The following TBC1D23 variants were observed in gnomAD, a reference collection of about 807,000 sequenced individuals.
TBC1D23 encodes HCV non-structural protein 4A-transactivated protein 1.
Under a neutral mutation model 91.4 loss-of-function variants are expected in TBC1D23, and 55 were observed. The ratio of observed to expected loss-of-function variants is 0.60; its 90% CI spans 0.48 to 0.75. The LOEUF is 0.75. TBC1D23 is among the 30% of genes least tolerant of loss of function. TBC1D23 has a pLI of 0.00. For missense variants in TBC1D23, 725 were observed against 836.1 expected, an observed-to-expected ratio of 0.87 and a Z score of 1.64; for synonymous variants, 289 against 281.0, an observed-to-expected ratio of 1.03 and a Z score of -0.28.
intron 13 of TBC1D23, among the ~76,000 whole-genome samples, chr3:100,308,119 G>C (rs13072367): frequency 0.24 from 36,102 of 152,118 alleles, 4,710 homozygotes; most frequent in East Asian, 0.49. Context: ...GTTTAATTTG[G>C]CTCTGAATTT....
At chr3:100,288,303 A>G (rs2067761738) in intron 4 of TBC1D23, among the ~76,000 whole-genome samples, 1 of 152,062 alleles carries the variant, frequency 6.6e-6, no homozygotes, top group Non-Finnish European at 1.5e-5. Flanking sequence ...ACTTTTTTAC[A>G]TGAGGCTTTT....
chr3:100,324,800 T>G lies in TBC1D23; in HGVS notation c.*1132T>G, dbSNP rs1705922801. 1 of 152,218 alleles carries G rather than the reference T, an allele frequency of 6.6e-6. No homozygotes were observed. The highest frequency in any genetic ancestry group is 1.5e-5 in the Non-Finnish European group (1 of 68,030). 9.4% of individuals were successfully genotyped at this position (152,218 alleles called of 1,614,324 possible). ...ACATTTAGGGCCATGGAATAGTATT[T>G]TGTAAAATCCATTTGGGAAGTTGCA... On this transcript the variant is annotated 3_prime_UTR_variant, in exon 19 of 19. Transcript: ENST00000394144.
intron 18 of TBC1D23, among the ~76,000 whole-genome samples, chr3:100,322,522 T>C (rs937097920): frequency 2.6e-5 from 4 of 152,356 alleles, no homozygotes; most frequent in African/African-American, 7.2e-5. Flanking sequence ...ATTAATCTTC[T>C]AGTGGGCCTT....
chr3:100,297,176 C>A (rs193141116), intron 8 of TBC1D23, among the ~76,000 whole-genome samples: 16 of 151,090 alleles, frequency 1.1e-4, no homozygotes, highest in Non-Finnish European at 2.2e-4. Flanking sequence ...ATGAGAGCAC[C>A]TTTTTTTTTA....
In TBC1D23 at chr3:100,279,745, G is replaced by A. The variant is rs762876468; in HGVS notation, c.150G>A (p.Arg50=). The A allele has an allele frequency of 6.3e-7, 1 of 1,593,664 alleles. No homozygotes were observed. Among genetic ancestry groups the A allele is most frequent in the Admixed American group, 1.7e-5 (1 of 59,490 alleles). ...IQGRPLPADL[R]AKVWKIALNV... Reference sequence around the variant, plus strand: ...GAAGACCGCTGCCTGCTGATCTGAGGGCCAAAGTTTGGAAGGTAACTAGAA... The same window carrying A: ...GAAGACCGCTGCCTGCTGATCTGAGAGCCAAAGTTTGGAAGGTAACTAGAA... The change falls in exon 2 of 19, where the codon AGG becomes AGA. Residue 50 remains arginine (R), a synonymous_variant. Transcript: ENST00000394144.
At chr3:100,297,881 G>A (rs1705332645) in intron 8 of TBC1D23, 42 bp from the exon 9 acceptor site, 2 of 1,344,178 alleles carry the variant, frequency 1.5e-6, no homozygotes, top group Non-Finnish European at 2.1e-6. Context: ...AAGAAAGTTT[G>A]ATTTTTTTTT....
chr3:100,312,750 T>A (rs981838819), intron 15 of TBC1D23, among the ~76,000 whole-genome samples: 2 of 152,270 alleles, frequency 1.3e-5, no homozygotes, highest in Admixed American at 1.3e-4. Context: ...CTAGTCATAT[T>A]TTCAATGTAA....
chr3:100,275,957 A>G (rs1418004628), intron 1 of TBC1D23, among the ~76,000 whole-genome samples: 1 of 152,180 alleles, frequency 6.6e-6, no homozygotes, highest in Non-Finnish European at 1.5e-5. Flanking sequence ...GAATAGGTAA[A>G]TATGTAGAGA....
intron 12 of TBC1D23, among the ~76,000 whole-genome samples, chr3:100,305,580 C>T (rs1391926377): frequency 6.6e-6 from 1 of 152,074 alleles, no homozygotes; most frequent in Non-Finnish European, 1.5e-5. Context: ...ACCAGTTGTG[C>T]AACTGAAGCT....
At chr3:100,279,099 A>T (rs1001567873) in intron 1 of TBC1D23, among the ~76,000 whole-genome samples, 6 of 152,208 alleles carry the variant, frequency 3.9e-5, no homozygotes, top group Non-Finnish European at 7.3e-5. Flanking sequence ...CCATAATATG[A>T]CATGTGACCC....
Position 100,298,507 on chromosome 3 carries a change from T to C in TBC1D23, c.999+462T>C, listed in dbSNP as rs932767010. On this transcript the variant is annotated intron_variant, in intron 9 of 18. Coordinates refer to ENST00000394144, the MANE Select transcript of TBC1D23 (RefSeq NM_001199198.3). Reference sequence around the variant, plus strand: ...TCAATTTGACCAATGATGTTTTTAATATATGGTCTTTATTACTAGTAGTGC... The same window carrying C: ...TCAATTTGACCAATGATGTTTTTAACATATGGTCTTTATTACTAGTAGTGC... Among the ~76,000 whole-genome samples the C allele has an allele frequency of 3.3e-5, 5 of 152,322 alleles. No homozygotes were observed. In the East Asian group the frequency reaches 9.6e-4, roughly 29 times the overall value.
In TBC1D23 at chr3:100,279,639, T is replaced by C. The variant is rs1228588017; in HGVS notation, c.54-10T>C. 2 of 1,549,584 alleles carry C rather than the reference T, an allele frequency of 1.3e-6. No individual in the cohort carries two copies. Among genetic ancestry groups the C allele is most frequent in the Non-Finnish European group, 1.8e-6 (2 of 1,132,544 alleles). On this transcript the variant is annotated splice_polypyrimidine_tract_variant and intron_variant, in intron 1 of 18. Coordinates refer to ENST00000394144, the MANE Select transcript of TBC1D23 (RefSeq NM_001199198.3). ...AAAGTTCATTTTAATAAATAGGACTTATTTTTTAGGGAAAAAGATCTTGAA... is the reference window on the plus strand; with the variant it reads ...AAAGTTCATTTTAATAAATAGGACTCATTTTTTAGGGAAAAAGATCTTGAA...
chr3:100,287,074 A>G (rs1050901091), intron 4 of TBC1D23, among the ~76,000 whole-genome samples: 6 of 152,092 alleles, frequency 3.9e-5, no homozygotes, highest in Non-Finnish European at 8.8e-5. Context: ...CGGCCTCCCA[A>G]AGTGCTGAGA....
Position 100,309,175 on chromosome 3 carries a change from AAAC to A in TBC1D23, c.1414-1216_1414-1214del, listed in dbSNP as rs1257891001. Among the ~76,000 whole-genome samples the A allele has an allele frequency of 4.7e-5, 7 of 148,116 alleles. No individual in the cohort carries two copies. The South Asian group carries it at 6.6e-4, about 14-fold the overall frequency. On this transcript the variant is annotated intron_variant, in intron 13 of 18. Coordinates refer to ENST00000394144, the MANE Select transcript of TBC1D23 (RefSeq NM_001199198.3). ...GGCAACAGAGCAGGACTCTGTCTCA[AAAC>A]AACAACAACAAAAAACACAAAAAAG...
At chr3:100,274,451 CTT>C (rs2067628158) in intron 1 of TBC1D23, among the ~76,000 whole-genome samples, 1 of 152,048 alleles carries the variant, frequency 6.6e-6, no homozygotes, top group African/African-American at 2.4e-5. Context: ...AGTTTACCAT[CTT>C]GACCATTTTT....
intron 10 of TBC1D23, among the ~76,000 whole-genome samples, chr3:100,301,448 A>G (rs1299117782): frequency 6.6e-6 from 1 of 151,970 alleles, no homozygotes; most frequent in Non-Finnish European, 1.5e-5. Context: ...TGCTGTTTAT[A>G]TTTGCTTTTG....
chr3:100,292,649 C>T (rs1331864955), intron 5 of TBC1D23, among the ~76,000 whole-genome samples: 1 of 152,142 alleles, frequency 6.6e-6, no homozygotes, highest in African/African-American at 2.4e-5. Context: ...TCTCAGGCTG[C>T]AGTGCAGTGG....
At chr3:100,322,838 C>T (rs1559818417) in intron 18 of TBC1D23, among the ~76,000 whole-genome samples, 2 of 151,722 alleles carry the variant, frequency 1.3e-5, no homozygotes, top group South Asian at 4.1e-4. Context: ...TAGATTCTCT[C>T]TCTCCCTTTC....
Position 100,281,832 on chromosome 3 carries a change from T to A in TBC1D23, c.256T>A (p.Cys86Ser), listed in dbSNP as rs1032632303. The A allele has an allele frequency of 1.9e-6, 3 of 1,606,626 alleles. No homozygotes were observed. The East Asian group carries it at 6.7e-5, about 36-fold the overall frequency. Reference protein sequence around the residue: ...LPEQNTIHKDCLQFIDQLSVP... With the variant: ...LPEQNTIHKDSLQFIDQLSVP... ...AGAACAGAACACTATTCACAAAGATTGCCTGCAGTTTATTGGTAAGCTGAA... is the reference window on the plus strand; with the variant it reads ...AGAACAGAACACTATTCACAAAGATAGCCTGCAGTTTATTGGTAAGCTGAA... Residue 86 changes from cysteine to serine, a missense_variant, in exon 3 of 19, where the codon TGC becomes AGC. Coordinates refer to ENST00000394144, the MANE Select transcript of TBC1D23 (RefSeq NM_001199198.3).
Sources: gnomAD v4.1 joint callset for allele counts (sites outside exome capture counted in the v4.1 genomes callset) on GRCh38, gnomAD v4.1.1 for gene constraint, MANE v1.5 for transcripts, NCBI Gene and HGNC (gene_info 2026-07-23, HGNC 2026-07-21) for gene names.